The following RAB2A variants were observed in gnomAD, a reference collection of about 807,000 sequenced individuals.
RAB2A encodes ras-related protein Rab-2A.
A neutral mutation model predicts 32.5 loss-of-function variants in RAB2A; 7 were observed. The observed-to-expected ratio is 0.22, with a 90% CI of 0.12 to 0.40. RAB2A has a LOEUF of 0.40. RAB2A is among the 10% of genes least tolerant of loss of function. RAB2A has a pLI of 1.00. For missense variants in RAB2A, 108 were observed against 260.7 expected (o/e 0.41, Z 4.03); for synonymous variants, 79 against 85.2 (o/e 0.93, Z 0.40).
intron 1 of RAB2A, chr8:60,552,869 C>T (rs968609556): frequency 6.6e-6 from 1 of 152,154 alleles, no homozygotes; most frequent in Non-Finnish European, 1.5e-5. Flanking sequence ...CAGACAGAGG[C>T]TTGCTTTGTA....
intron 6 of RAB2A, among the ~76,000 whole-genome samples, chr8:60,598,900 CAA>C: frequency 9.7e-6 from 1 of 103,138 alleles, no homozygotes; most frequent in Middle Eastern, 0.013. Flanking sequence ...CAACATTAAT[CAA>C]CATATTGATG....
chr8:60,604,747 G>A (rs773547050), intron 6 of RAB2A, among the ~76,000 whole-genome samples: 19 of 152,192 alleles, frequency 1.2e-4, no homozygotes, highest in Non-Finnish European at 5.9e-5. Context: ...TGAAGATGTG[G>A]CCTGGTTGCC....
chr8:60,581,597 C>A (rs542480750), intron 3 of RAB2A, among the ~76,000 whole-genome samples: 1 of 152,326 alleles, frequency 6.6e-6, no homozygotes, highest in African/African-American at 2.4e-5. Context: ...GTACCTAACA[C>A]AGAATCCTTT....
intron 1 of RAB2A, among the ~76,000 whole-genome samples, chr8:60,555,938 C>T (rs1807931114): frequency 6.6e-6 from 1 of 152,004 alleles, no homozygotes; most frequent in Non-Finnish European, 1.5e-5. Context: ...TTCACAGTAG[C>T]CAAGATATAG....
At chr8:60,616,698 G>C (rs1317717199) in intron 6 of RAB2A, among the ~76,000 whole-genome samples, 2 of 152,192 alleles carry the variant, frequency 1.3e-5, no homozygotes, top group Non-Finnish European at 2.9e-5. Flanking sequence ...TTATTTTGCT[G>C]CAAATTCTCA....
intron 3 of RAB2A, among the ~76,000 whole-genome samples, chr8:60,583,023 T>A (rs1803787123): frequency 6.6e-6 from 1 of 151,144 alleles, no homozygotes; most frequent in Non-Finnish European, 1.5e-5. Flanking sequence ...TAGCACACAC[T>A]TAGTCACATG....
At chr8:60,598,937 CAAAAAAAAAAA>C (rs56406651) in intron 6 of RAB2A, among the ~76,000 whole-genome samples, 26 of 40,388 alleles carry the variant, frequency 6.4e-4, no homozygotes, top group Middle Eastern at 0.028. Flanking sequence ...TGCAGTAAAG[CAAAAAAAAAAA>C]AAAAAAAAAA....
Sources: allele counts gnomAD v4.1 joint callset (sites outside exome capture counted in the v4.1 genomes callset), GRCh38; gene constraint gnomAD v4.1.1; transcripts MANE v1.5; gene names NCBI Gene and HGNC (gene_info 2026-07-23, HGNC 2026-07-21).